RBMS3: variants seen among roughly 807,000 people sequenced by gnomAD.
The protein encoded by RBMS3 is RNA binding motif single stranded interacting protein 3.
In RBMS3, 27 loss-of-function variants were observed where a neutral mutation model predicts 66.8. The ratio of observed to expected loss-of-function variants is 0.40; its 90% CI spans 0.30 to 0.56. RBMS3 has a LOEUF of 0.56. RBMS3 is among the 20% of genes least tolerant of loss of function. The pLI is 0.40. For missense variants in RBMS3, 513 were observed against 549.5 expected (o/e 0.93, Z 0.66); for synonymous variants, 188 against 183.0 (o/e 1.03, Z -0.22).
At chr3:29,604,091 G>T (rs926736452) in intron 4 of RBMS3, among the ~76,000 whole-genome samples, 2 of 151,904 alleles carry the variant, frequency 1.3e-5, no homozygotes, top group Admixed American at 6.6e-5. Flanking sequence ...GAATTATTCG[G>T]TCTAAAATAT....
At chr3:29,702,650 A>G (rs1249885492) in intron 4 of RBMS3, among the ~76,000 whole-genome samples, 1 of 151,954 alleles carries the variant, frequency 6.6e-6, no homozygotes, top group East Asian at 1.9e-4. Flanking sequence ...AGGAATGAAC[A>G]ACTCTGGATA....
intron 3 of RBMS3, among the ~76,000 whole-genome samples, chr3:29,526,908 T>G (rs1300717066): frequency 6.6e-6 from 1 of 151,990 alleles, no homozygotes; most frequent in East Asian, 1.9e-4. Flanking sequence ...CTTTTCATGC[T>G]AAGCATTTAT....
intron 4 of RBMS3, among the ~76,000 whole-genome samples, chr3:29,613,301 T>C (rs1241147360): frequency 6.6e-6 from 1 of 151,574 alleles, no homozygotes; most frequent in African/African-American, 2.4e-5. Context: ...ACATTCTCCC[T>C]AACCATGTGC....
At chr3:29,481,275 A>G (rs17023699) in intron 2 of RBMS3, among the ~76,000 whole-genome samples, 11,041 of 152,254 alleles carry the variant, frequency 0.073, 482 homozygotes, top group East Asian at 0.16. Flanking sequence ...AGGGATACCC[A>G]TGAATTCCTG....
At position 29,473,852 on chromosome 3, in the gene RBMS3, G is replaced by A. The variant is rs540001040; in HGVS notation, c.249-14589G>A. ...GAAGTCCAGCTGTCCCGCAAGCGCCGCGCGCAGCCCCGGTTCCCGCTCGCG... is the reference window on the plus strand; with the variant it reads ...GAAGTCCAGCTGTCCCGCAAGCGCCACGCGCAGCCCCGGTTCCCGCTCGCG... On this transcript the variant is annotated intron_variant, in intron 2 of 14. Coordinates refer to ENST00000383767, the MANE Select transcript of RBMS3 (RefSeq NM_001003793.3). Among the ~76,000 whole-genome samples the A allele has an allele frequency of 1.1e-4, 17 of 152,334 alleles. No homozygotes were observed. In the South Asian group the frequency reaches 1.2e-3, roughly 11 times the overall value.
chr3:29,524,415 ATTTTTTTTTTTTTT>A (rs1222102515), intron 3 of RBMS3, among the ~76,000 whole-genome samples: 7 of 57,074 alleles, frequency 1.2e-4, no homozygotes, highest in African/African-American at 4.4e-4. Context: ...CTCCCTTTAC[ATTTTTTTTTTTTTT>A]TTTTTTTTTT....
At chr3:29,371,382 A>T (rs1559525875) in intron 1 of RBMS3, among the ~76,000 whole-genome samples, 1 of 152,238 alleles carries the variant, frequency 6.6e-6, no homozygotes, top group Non-Finnish European at 1.5e-5. Flanking sequence ...AAGCAAAAAC[A>T]TGTACTTGAT....
rs191586742 is a variant in RBMS3 at position 29,350,015 on chromosome 3, C to T, written c.75+68259C>T. Among the ~76,000 whole-genome samples, 33 of 152,136 alleles carry T rather than the reference C, an allele frequency of 2.2e-4. No individual in the cohort carries two copies. In the East Asian group the frequency reaches 6.0e-3, roughly 28 times the overall value. On this transcript the variant is annotated intron_variant, in intron 1 of 14. Transcript: ENST00000383767. Reference sequence around the variant, plus strand: ...ATCTCTACTAAAAATACAAAATTAGCTGGGCATGGTGGCACATGCCTGTAA... The same window carrying T: ...ATCTCTACTAAAAATACAAAATTAGTTGGGCATGGTGGCACATGCCTGTAA...
chr3:29,922,614 A>G (rs2060821785), intron 10 of RBMS3, among the ~76,000 whole-genome samples: 2 of 152,212 alleles, frequency 1.3e-5, no homozygotes, highest in Admixed American at 1.3e-4. Flanking sequence ...AAAAGTTATG[A>G]AGGCTCTAAC....
At chr3:29,535,891 T>C (rs948107435) in intron 3 of RBMS3, among the ~76,000 whole-genome samples, 7 of 151,980 alleles carry the variant, frequency 4.6e-5, no homozygotes, top group Non-Finnish European at 8.8e-5. Flanking sequence ...GATTTATTTA[T>C]GGTCTATTCA....
At chr3:29,391,939 T>A (rs6549934) in intron 1 of RBMS3, among the ~76,000 whole-genome samples, 1 of 151,962 alleles carries the variant, frequency 6.6e-6, no homozygotes, top group Non-Finnish European at 1.5e-5. Context: ...ATAGCCATGA[T>A]AAATAAAGTT....
chr3:29,911,418 T>C (rs960243310), intron 10 of RBMS3, among the ~76,000 whole-genome samples: 4 of 152,112 alleles, frequency 2.6e-5, no homozygotes, highest in Non-Finnish European at 5.9e-5. Context: ...ATTAGGGCTG[T>C]TGTCCTATAT....
chr3:29,666,057 G>A (rs1261345996), intron 4 of RBMS3, among the ~76,000 whole-genome samples: 1 of 152,054 alleles, frequency 6.6e-6, no homozygotes, highest in Non-Finnish European at 1.5e-5. Flanking sequence ...AAATTTCCAA[G>A]GCACGTTGTC....
chr3:29,394,619 A>C (rs185042738), intron 1 of RBMS3, among the ~76,000 whole-genome samples: 1 of 152,302 alleles, frequency 6.6e-6, no homozygotes, highest in South Asian at 2.1e-4. Context: ...TTGGGGAACT[A>C]ATAAACGTCC....
chr3:29,564,108 T>C (rs1419553292), intron 3 of RBMS3, among the ~76,000 whole-genome samples: 1 of 152,094 alleles, frequency 6.6e-6, no homozygotes, highest in Non-Finnish European at 1.5e-5. Flanking sequence ...ATTGAGTCTT[T>C]TAAAACATAT....
intron 4 of RBMS3, among the ~76,000 whole-genome samples, chr3:29,656,640 T>C (rs2050337189): frequency 6.6e-6 from 1 of 152,192 alleles, no homozygotes; most frequent in African/African-American, 2.4e-5. Flanking sequence ...TTATACCTGT[T>C]AGCAGGTGTG....
At chr3:29,729,778 A>T (rs980099848) in intron 4 of RBMS3, among the ~76,000 whole-genome samples, 4 of 151,922 alleles carry the variant, frequency 2.6e-5, no homozygotes, top group Non-Finnish European at 4.4e-5. Context: ...ACTACTTCAA[A>T]GTTCATATGG....
intron 4 of RBMS3, among the ~76,000 whole-genome samples, chr3:29,678,488 A>G (rs2051347154): frequency 6.6e-6 from 1 of 152,248 alleles, no homozygotes; most frequent in East Asian, 1.9e-4. Flanking sequence ...ACCAACCAAG[A>G]TTCTTTGTCT....
At chr3:29,584,205 T>C (rs1430051788) in intron 3 of RBMS3, among the ~76,000 whole-genome samples, 2 of 152,276 alleles carry the variant, frequency 1.3e-5, no homozygotes, top group East Asian at 1.9e-4. Context: ...TTTCACATAA[T>C]TGATCTCTCC....
Sources: allele counts gnomAD v4.1 joint callset (sites outside exome capture counted in the v4.1 genomes callset), GRCh38; gene constraint gnomAD v4.1.1; transcripts MANE v1.5; gene names NCBI Gene and HGNC (gene_info 2026-07-23, HGNC 2026-07-21).